KIAA1958: variants seen among roughly 807,000 people sequenced by gnomAD.
KIAA1958 encodes uncharacterized protein KIAA1958.
KIAA1958 carries 14 observed loss-of-function variants against 47.2 expected under a neutral mutation model. The observed-to-expected ratio is 0.30, with a 90% confidence interval of 0.20 to 0.46. KIAA1958 has a LOEUF of 0.46. Ranked by LOEUF, KIAA1958 falls within the 20% of genes least tolerant of loss-of-function variation. The pLI is 1.00. For missense variants in KIAA1958, 803 were observed against 909.2 expected (o/e 0.88, Z 1.50); for synonymous variants, 354 against 353.3 (o/e 1.00, Z -0.02).
intron 1 of KIAA1958, 54 bp from the exon 2 acceptor site, chr9:112,574,003 C>T (rs1356217685): frequency 3.3e-6 from 3 of 918,840 alleles, no homozygotes; most frequent in Non-Finnish European, 5.0e-6. Context: ...AGTAATTGAG[C>T]TATAGGATTA....
At chr9:112,537,902 A>C (rs1228924924) in intron 1 of KIAA1958, among the ~76,000 whole-genome samples, 3 of 152,254 alleles carry the variant, frequency 2.0e-5, no homozygotes, top group Non-Finnish European at 4.4e-5. Flanking sequence ...GTTGGAAAGA[A>C]TGGCAGTTTG....
intron 1 of KIAA1958, among the ~76,000 whole-genome samples, chr9:112,511,924 A>G (rs766282067): frequency 1.6e-4 from 24 of 152,208 alleles, no homozygotes; most frequent in Non-Finnish European, 2.6e-4. Flanking sequence ...GACAACTTAT[A>G]TAAAATGGAT....
chr9:112,555,198 G>A (rs1359327918), intron 1 of KIAA1958, among the ~76,000 whole-genome samples: 4 of 152,184 alleles, frequency 2.6e-5, no homozygotes, highest in African/African-American at 7.2e-5. Context: ...GGTGGTAGGC[G>A]TGGTTGCTTG....
At chr9:112,506,720 G>A (rs1394444295) in intron 1 of KIAA1958, among the ~76,000 whole-genome samples, 1 of 138,008 alleles carries the variant, frequency 7.2e-6, no homozygotes, top group African/African-American at 2.7e-5. Context: ...TTTTTTTCTT[G>A]TAAACACAGC....
intron 2 of KIAA1958, among the ~76,000 whole-genome samples, chr9:112,614,678 T>A (rs1016616883): frequency 1.3e-5 from 2 of 152,234 alleles, no homozygotes; most frequent in African/African-American, 4.8e-5. Context: ...GATATGACAG[T>A]GTGACATTTG....
At position 112,574,426 on chromosome 9, in the gene KIAA1958, A is replaced by G; in HGVS notation, c.346A>G (p.Thr116Ala). ...PVKAKLDCNRTRDSCDFSYCS... is the reference protein window; with the variant it reads ...PVKAKLDCNRARDSCDFSYCS... The stretch of plus-strand genomic sequence containing the variant: ...GAAAGCAAAGCTAGACTGTAACCGG[A>G]CCAGAGACTCTTGTGACTTCTCCTA... Residue 116 changes from threonine (T) to alanine (A), a missense_variant, in exon 2 of 4, where the codon ACC (threonine) becomes GCC (alanine). Physicochemically the swap from Thr to Ala is moderately conservative, Grantham distance 58. This residue lies in a region of KIAA1958 where 761 missense variants were observed against 829.3 expected (regional missense o/e 0.92). Transcript: ENST00000337530. 1 of 1,614,154 alleles carries G rather than the reference A, an allele frequency of 6.2e-7. No individual in the cohort carries two copies. Among genetic ancestry groups the G allele is most frequent in the South Asian group, 1.1e-5 (1 of 91,080 alleles).
Position 112,574,305 on chromosome 9 carries a change from G to T in KIAA1958, c.225G>T (p.Gln75His), listed in dbSNP as rs1193962791. 6.2e-7 allele frequency: 1 copy of T among 1,614,038 alleles called. No individual in the cohort carries two copies. Among genetic ancestry groups the T allele is most frequent in the Non-Finnish European group, 8.5e-7 (1 of 1,179,908 alleles). Residue 75 changes from glutamine (Q) to histidine (H), a missense_variant, in exon 2 of 4, where the codon CAG (glutamine) becomes CAT (histidine). Transcript: ENST00000337530. ...GGTCCCAAGAGAGGGTCTGTTTCCAGGATAACAGAAGTTTTAACTCTGATA... is the reference window on the plus strand; with the variant it reads ...GGTCCCAAGAGAGGGTCTGTTTCCATGATAACAGAAGTTTTAACTCTGATA... The part of the protein sequence containing the change: ...RAGSQERVCF[Q>H]DNRSFNSDSP...
rs577412238 is a variant in KIAA1958 at position 112,576,416 on chromosome 9, G to A, written c.1171+1165G>A. Among the ~76,000 whole-genome samples, 3 of 152,158 alleles carry A rather than the reference G, an allele frequency of 2.0e-5. No individual in the cohort carries two copies. The East Asian group carries it at 5.8e-4, about 29-fold the overall frequency. On this transcript the variant is annotated intron_variant, in intron 2 of 3. Coordinates refer to ENST00000337530, the MANE Select transcript of KIAA1958 (RefSeq NM_133465.4). ...AAAGTGTACAGTTCAGTGGGTTTTG[G>A]TGTATTCATAGAGTTGTACAACTAT...
intron 1 of KIAA1958, among the ~76,000 whole-genome samples, chr9:112,493,107 G>C (rs1255634666): frequency 5.9e-5 from 9 of 151,880 alleles, no homozygotes; most frequent in Non-Finnish European, 1.3e-4. Context: ...GCCAAATTCA[G>C]TGGAAGTGCT....
At chr9:112,533,230 T>C (rs1363648307) in intron 1 of KIAA1958, among the ~76,000 whole-genome samples, 1 of 151,996 alleles carries the variant, frequency 6.6e-6, no homozygotes, top group Non-Finnish European at 1.5e-5. Flanking sequence ...TAATCTGTTC[T>C]CATGCTGCTG....
intron 1 of KIAA1958, among the ~76,000 whole-genome samples, chr9:112,553,339 G>C (rs969274052): frequency 4.6e-5 from 7 of 151,754 alleles, no homozygotes; most frequent in African/African-American, 1.7e-4. Context: ...AGCTCATCTA[G>C]CTAATTTTTT....
chr9:112,653,823 C>A (rs1276931328), intron 3 of KIAA1958, among the ~76,000 whole-genome samples: 1 of 152,078 alleles, frequency 6.6e-6, no homozygotes, highest in South Asian at 2.1e-4. Flanking sequence ...TCGCTTGAAC[C>A]CGGGAGGTGG....
At chr9:112,648,439 T>C (rs1396893481) in intron 3 of KIAA1958, among the ~76,000 whole-genome samples, 1 of 152,172 alleles carries the variant, frequency 6.6e-6, no homozygotes, top group Admixed American at 6.5e-5. Context: ...AATACTCAGC[T>C]GAGTACTGAT....
intron 1 of KIAA1958, among the ~76,000 whole-genome samples, chr9:112,550,170 G>A (rs1835117554): frequency 6.6e-6 from 1 of 151,328 alleles, no homozygotes; most frequent in African/African-American, 2.5e-5. Context: ...CTCTTTGGCT[G>A]TTTGGAGCCT....
At chr9:112,487,805 G>A (rs1480393447) in intron 1 of KIAA1958, among the ~76,000 whole-genome samples, 1 of 151,422 alleles carries the variant, frequency 6.6e-6, no homozygotes, top group Non-Finnish European at 1.5e-5. Flanking sequence ...GGAGGAGGTT[G>A]GACTGAACAA....
intron 1 of KIAA1958, among the ~76,000 whole-genome samples, chr9:112,565,966 C>T (rs931128817): frequency 6.6e-6 from 1 of 152,152 alleles, no homozygotes; most frequent in African/African-American, 2.4e-5. Flanking sequence ...TGCAGTGGCG[C>T]GATCTCAGCT....
intron 1 of KIAA1958, among the ~76,000 whole-genome samples, chr9:112,492,347 C>A (rs1587986443): frequency 6.6e-6 from 1 of 152,162 alleles, no homozygotes; most frequent in African/African-American, 2.4e-5. Flanking sequence ...TTAAGAACAT[C>A]ACTTACATTG....
intron 2 of KIAA1958, among the ~76,000 whole-genome samples, chr9:112,616,438 G>T (rs1836408948): frequency 6.6e-6 from 1 of 152,132 alleles, no homozygotes; most frequent in Non-Finnish European, 1.5e-5. Context: ...ATAAAATTCA[G>T]TTTATTAGAA....
intron 2 of KIAA1958, among the ~76,000 whole-genome samples, chr9:112,591,329 C>T (rs1188966553): frequency 6.6e-6 from 1 of 152,114 alleles, no homozygotes; most frequent in African/African-American, 2.4e-5. Context: ...CATGATCCGC[C>T]CGTCTCGGCC....
Sources: gnomAD v4.1 joint callset for allele counts (sites outside exome capture counted in the v4.1 genomes callset) on GRCh38, gnomAD v4.1.1 for gene constraint, gnomAD v4.1.1 regional missense constraint, MANE v1.5 for transcripts, NCBI Gene and HGNC (gene_info 2026-07-23, HGNC 2026-07-21) for gene names.